The following GRID1 variants were observed in gnomAD, a reference collection of about 807,000 sequenced individuals.
GRID1 encodes glutamate ionotropic receptor delta type subunit 1, also known as glutamate receptor ionotropic, delta-1.
Under a neutral mutation model 98.0 loss-of-function variants are expected in GRID1, and 28 were observed. The ratio of observed to expected loss-of-function variants is 0.29; its 90% CI spans 0.21 to 0.39. The LOEUF is 0.39. GRID1 is among the 10% of genes least tolerant of loss of function. The pLI, the probability that GRID1 is intolerant of heterozygous loss-of-function variation, is 1.00. For synonymous variants in GRID1, 553 were observed against 538.5 expected (o/e 1.03, Z -0.37); for missense variants, 1,111 against 1,340.5 (o/e 0.83, Z 2.67).
At chr10:86,272,288 C>G (rs948638922) in intron 2 of GRID1, among the ~76,000 whole-genome samples, 1 of 152,102 alleles carries the variant, frequency 6.6e-6, no homozygotes, top group South Asian at 2.1e-4. Flanking sequence ...CAGAAACTGC[C>G]AGAGCCAACT....
At chr10:85,979,698 G>A (rs1185668442) in intron 4 of GRID1, among the ~76,000 whole-genome samples, 1 of 152,206 alleles carries the variant, frequency 6.6e-6, no homozygotes, top group Non-Finnish European at 1.5e-5. Context: ...CTGTGGTACT[G>A]GGGTTAGGAT....
At chr10:86,292,403 C>T (rs1437842711) in intron 2 of GRID1, among the ~76,000 whole-genome samples, 1 of 152,260 alleles carries the variant, frequency 6.6e-6, no homozygotes, top group African/African-American at 2.4e-5. Flanking sequence ...TTTTGCCCTG[C>T]AGCCACATGC....
At chr10:85,678,421 A>G (rs1841169778) in intron 12 of GRID1, among the ~76,000 whole-genome samples, 2 of 152,298 alleles carry the variant, frequency 1.3e-5, no homozygotes, top group South Asian at 4.1e-4. Context: ...GGTTCTCTTC[A>G]GCCCTTTCTC....
chr10:85,853,983 A>C lies in GRID1; in HGVS notation c.1233+513T>G, dbSNP rs73338517. Among the ~76,000 whole-genome samples the C allele has an allele frequency of 5.4e-3, 824 of 152,268 alleles. 6 individuals are homozygous for C. Among genetic ancestry groups the C allele is most frequent in the African/African-American group, 0.019 (777 of 41,538 alleles). Reference sequence around the variant, plus strand: ...AATAAAAAAGCCAAACCTCAGTCTGAGTTGTTCAACTCCTCTGTCTCTCAT... The same window carrying C: ...AATAAAAAAGCCAAACCTCAGTCTGCGTTGTTCAACTCCTCTGTCTCTCAT... On this transcript the variant is annotated intron_variant, in intron 8 of 15. Transcript: ENST00000327946.
chr10:85,916,328 T>C lies in GRID1; in HGVS notation c.727-89A>G. The C allele has an allele frequency of 9.9e-7, 1 of 1,006,042 alleles. No homozygotes were observed. Among genetic ancestry groups the C allele is most frequent in the Non-Finnish European group, 1.6e-6 (1 of 638,694 alleles). 62.3% of individuals were successfully genotyped at this position (1,006,042 alleles called of 1,614,324 possible). ...TTGCCGAGACAGAGTTTTATAAACA[T>C]TGTTCTTGGAGAATATTTTCCTCAC... On this transcript the variant is annotated intron_variant, in intron 4 of 15. Coordinates refer to ENST00000327946, the MANE Select transcript of GRID1 (RefSeq NM_017551.3). The surrounding 1 kb of genome is among the most constrained non-coding windows in gnomAD (Gnocchi z 4.0).
intron 12 of GRID1, among the ~76,000 whole-genome samples, chr10:85,719,918 G>A (rs1233306204): frequency 2.0e-5 from 3 of 152,082 alleles, no homozygotes; most frequent in African/African-American, 4.8e-5. Context: ...AGAATGATCC[G>A]TGAAAGAACA....
chr10:86,258,393 T>C (rs1342026674), intron 2 of GRID1, among the ~76,000 whole-genome samples: 1 of 152,168 alleles, frequency 6.6e-6, no homozygotes, highest in Non-Finnish European at 1.5e-5. Context: ...TTGAGAAATG[T>C]ATTTGTCAGT....
At chr10:85,619,539 T>G (rs185791456) in intron 14 of GRID1, among the ~76,000 whole-genome samples, 6 of 152,288 alleles carry the variant, frequency 3.9e-5, no homozygotes, top group Admixed American at 3.9e-4. Flanking sequence ...TTCTCCCAGA[T>G]ATCCTGGGTC....
chr10:86,299,492 C>T (rs1432307208), intron 2 of GRID1, among the ~76,000 whole-genome samples: 1 of 151,680 alleles, frequency 6.6e-6, no homozygotes, highest in African/African-American at 2.4e-5. Context: ...CCTCGCCCCC[C>T]TCCCCACAAC....
At chr10:86,127,033 A>G (rs1844763439) in intron 4 of GRID1, among the ~76,000 whole-genome samples, 1 of 152,224 alleles carries the variant, frequency 6.6e-6, no homozygotes, top group African/African-American at 2.4e-5. Flanking sequence ...TTACAGAATT[A>G]TCCAAGAGTA....
chr10:85,807,067 G>T (rs551253389), intron 8 of GRID1, among the ~76,000 whole-genome samples: 3 of 152,064 alleles, frequency 2.0e-5, no homozygotes, highest in Admixed American at 2.0e-4. Flanking sequence ...AAATAATCTT[G>T]GGCTGGGCAT....
chr10:85,946,788 T>C (rs1460003723), intron 4 of GRID1, among the ~76,000 whole-genome samples: 1 of 152,092 alleles, frequency 6.6e-6, no homozygotes, highest in Non-Finnish European at 1.5e-5. Context: ...TCCAGGAAGG[T>C]AGACATAAGG....
At chr10:86,310,380 T>G (rs767589298) in intron 2 of GRID1, among the ~76,000 whole-genome samples, 1 of 152,140 alleles carries the variant, frequency 6.6e-6, no homozygotes, top group South Asian at 2.1e-4. Flanking sequence ...ATTGTGCCTC[T>G]CCATCCCCAG....
At chr10:85,690,252 A>T (rs1006772636) in intron 12 of GRID1, among the ~76,000 whole-genome samples, 21 of 152,226 alleles carry the variant, frequency 1.4e-4, no homozygotes, top group African/African-American at 5.1e-4. Flanking sequence ...AATAAAATTT[A>T]CATAAAATAT....
chr10:86,039,680 C>G (rs1228597438), intron 4 of GRID1, among the ~76,000 whole-genome samples: 2 of 152,146 alleles, frequency 1.3e-5, no homozygotes, highest in East Asian at 3.8e-4. Context: ...GTTGACCAAA[C>G]AAGGATCAGA....
At chr10:85,825,100 T>A (rs928939065) in intron 8 of GRID1, among the ~76,000 whole-genome samples, 1 of 152,236 alleles carries the variant, frequency 6.6e-6, no homozygotes, top group Admixed American at 6.5e-5. Context: ...TACTTTTAGT[T>A]TTTTGAGAAA....
At chr10:85,875,912 G>A (rs1341795009) in intron 5 of GRID1, among the ~76,000 whole-genome samples, 3 of 152,114 alleles carry the variant, frequency 2.0e-5, no homozygotes, top group Non-Finnish European at 4.4e-5. Context: ...CCTTATATCT[G>A]GGGTCATCTT....
chr10:86,154,386 A>G (rs1255267784), intron 3 of GRID1, among the ~76,000 whole-genome samples: 1 of 152,164 alleles, frequency 6.6e-6, no homozygotes, highest in Admixed American at 6.5e-5. Context: ...CACTCTAGTA[A>G]CAAGGGCTGA....
intron 2 of GRID1, among the ~76,000 whole-genome samples, chr10:86,221,770 T>C (rs1222027169): frequency 3.3e-5 from 5 of 152,072 alleles, no homozygotes; most frequent in African/African-American, 1.2e-4. Flanking sequence ...AGGGGCTTTG[T>C]TTTGATCCCA....
Sources: allele counts gnomAD v4.1 joint callset (sites outside exome capture counted in the v4.1 genomes callset), GRCh38; gene constraint gnomAD v4.1.1; non-coding constraint Gnocchi (gnomAD v3.1); transcripts MANE v1.5; gene names NCBI Gene and HGNC (gene_info 2026-07-23, HGNC 2026-07-21).